Variants in ZIM2 observed in about 807,000 individuals in gnomAD.
ZIM2 encodes the protein zinc finger protein 656.
In ZIM2, 14 loss-of-function variants were observed where a neutral mutation model predicts 38.6. The observed-to-expected ratio is 0.36, with a 90% confidence interval of 0.24 to 0.57. The LOEUF is 0.57. Ranked by LOEUF, ZIM2 falls within the 20% of genes least tolerant of loss-of-function variation. The pLI, the probability that ZIM2 is intolerant of heterozygous loss-of-function variation, is 0.81. For synonymous variants in ZIM2, 247 were observed against 245.8 expected (o/e 1.00, Z -0.04); for missense variants, 680 against 695.1 (o/e 0.98, Z 0.24).
chr19:56,775,047 C>T lies in ZIM2; in HGVS notation c.1318G>A (p.Glu440Lys), dbSNP rs765827988. 36 of 1,614,018 alleles carry T rather than the reference C, an allele frequency of 2.2e-5. No homozygotes were observed. Among genetic ancestry groups the T allele is most frequent in the Non-Finnish European group, 1.7e-6 (2 of 1,180,036 alleles). Residue 440 changes from glutamate (E) to lysine (K), a missense_variant, in exon 13 of 13, where the codon GAG (glutamate) becomes AAG (lysine). By Grantham distance (56) the Glu-to-Lys change is moderately conservative. Transcript: ENST00000629319. ...CACTGAAAACATTCAAAGTAGTCCT[C>T]CTGACTGTGAATTCTTACACGTTCA... ...LCERVRIHSQEDYFECFQCGK... is the reference protein window; with the variant it reads ...LCERVRIHSQKDYFECFQCGK...
chr19:56,833,840 C>G (rs1295995366), intron 2 of ZIM2: 1 of 152,700 alleles, frequency 6.5e-6, no homozygotes, highest in Non-Finnish European at 1.5e-5. Flanking sequence ...AAATGACCAC[C>G]AACTCCATCT....
chr19:56,833,169 C>T, intron 2 of ZIM2: 1 of 517,490 alleles, frequency 1.9e-6, no homozygotes. Flanking sequence ...CCTCAGGCTC[C>T]CACATCCCAT....
At chr19:56,831,688 G>A (rs979416175) in intron 2 of ZIM2, among the ~76,000 whole-genome samples, 1 of 152,186 alleles carries the variant, frequency 6.6e-6, no homozygotes, top group South Asian at 2.1e-4. Context: ...ATTAAGTCGT[G>A]TTGTCAAGGA....
chr19:56,808,854 T>C (rs554289085), intron 9 of ZIM2, among the ~76,000 whole-genome samples: 35 of 152,204 alleles, frequency 2.3e-4, no homozygotes, highest in Admixed American at 2.0e-3. Context: ...TATGGTCTAT[T>C]TCCTTCTAGG....
At chr19:56,804,411 A>T (rs146458666) in intron 9 of ZIM2, among the ~76,000 whole-genome samples, 66 of 152,356 alleles carry the variant, frequency 4.3e-4, no homozygotes, top group African/African-American at 1.6e-3. Context: ...TACTGAAGCT[A>T]CTTCTCAAAG....
intron 9 of ZIM2, among the ~76,000 whole-genome samples, chr19:56,805,823 A>G (rs2146019740): frequency 6.6e-6 from 1 of 152,338 alleles, no homozygotes; most frequent in South Asian, 2.1e-4. Context: ...GCCTGGTCCT[A>G]GCCCTAGAAA....
chr19:56,802,507 T>C (rs1305250981), intron 9 of ZIM2, among the ~76,000 whole-genome samples: 2 of 152,086 alleles, frequency 1.3e-5, no homozygotes, highest in Middle Eastern at 3.2e-3. Flanking sequence ...AAATGGAAAA[T>C]ACCAATTAGT....
At chr19:56,811,858 T>G in intron 9 of ZIM2, 2 of 985,530 alleles carry the variant, frequency 2.0e-6, no homozygotes, top group Middle Eastern at 5.2e-4. Flanking sequence ...AGTTCTTGCC[T>G]CTGGTGTTTT....
At chr19:56,804,826 C>T (rs921324160) in intron 9 of ZIM2, among the ~76,000 whole-genome samples, 7 of 152,180 alleles carry the variant, frequency 4.6e-5, no homozygotes, top group Admixed American at 2.0e-4. Flanking sequence ...AACCCCGTAA[C>T]GGGGGTACTA....
rs1260704543 is a variant in ZIM2, at chr19:56,814,358, C to G, written c.490+3388G>C. The G allele has an allele frequency of 2.5e-6, 4 of 1,613,862 alleles. No individual in the cohort carries two copies. The highest frequency in any genetic ancestry group is 1.7e-4 in the Middle Eastern group (1 of 6,060). On this transcript the variant is annotated intron_variant, in intron 9 of 12. Coordinates refer to ENST00000629319, the MANE Select transcript of ZIM2 (RefSeq NM_001387356.1). This position sits in a 1 kb window ranked among gnomAD's most constrained non-coding sequence, Gnocchi z 5.8. ...GCTGCTGCTGCAGCTGCTGCTGCTTCATCTTCTTCTTCTTCTTCCAGATGA... is the reference window on the plus strand; with the variant it reads ...GCTGCTGCTGCAGCTGCTGCTGCTTGATCTTCTTCTTCTTCTTCCAGATGA...
rs527606019 is a variant in ZIM2, at chr19:56,824,305, G to A, written c.-28C>T. ...CCTTGTAATTCTCCAGCAGAGTGAC[G>A]AGCTTCTCACAGTTCTCCGGCTTTT... On this transcript the variant is annotated 5_prime_UTR_variant, in exon 4 of 13. Transcript: ENST00000629319. The A allele has an allele frequency of 4.7e-5, 76 of 1,614,042 alleles. No individual in the cohort carries two copies. In the South Asian group the frequency reaches 5.7e-4, roughly 12 times the overall value.
At chr19:56,808,228 G>A (rs952372151) in intron 9 of ZIM2, among the ~76,000 whole-genome samples, 5 of 152,128 alleles carry the variant, frequency 3.3e-5, no homozygotes, top group Non-Finnish European at 4.4e-5. Flanking sequence ...GTTATTTAAC[G>A]GATGCTGGGC....
chr19:56,800,393 G>T (rs1488942720), intron 9 of ZIM2, among the ~76,000 whole-genome samples: 2 of 151,970 alleles, frequency 1.3e-5, no homozygotes, highest in African/African-American at 2.4e-5. Context: ...ATTACAGAAT[G>T]GTTTCAGCTA....
chr19:56,819,097 C>T (rs1433412583), intron 7 of ZIM2, among the ~76,000 whole-genome samples: 2 of 152,084 alleles, frequency 1.3e-5, no homozygotes, highest in Admixed American at 1.3e-4. Flanking sequence ...CAGGTGGGGC[C>T]TTAAGTGGTA....
intron 3 of ZIM2, chr19:56,824,774 A>T: frequency 1.0e-6 from 1 of 966,420 alleles, no homozygotes. Flanking sequence ...CACATGTCCC[A>T]GAAGTTGAAG....
chr19:56,819,638 C>T (rs573912959), intron 7 of ZIM2, among the ~76,000 whole-genome samples: 8 of 152,196 alleles, frequency 5.3e-5, no homozygotes, highest in African/African-American at 1.7e-4. Flanking sequence ...GCCTTGGGAA[C>T]GGAAATCTTT....
At chr19:56,817,880 G>A (rs763391242) in intron 8 of ZIM2, 42 bp from the exon 9 acceptor site, 1 of 1,474,604 alleles carries the variant, frequency 6.8e-7, no homozygotes. Flanking sequence ...TCAAGTTGAG[G>A]ACCAAGACTC....
Position 56,775,239 on chromosome 19 carries a change from T to C in ZIM2, c.1126A>G (p.Arg376Gly). The C allele has an allele frequency of 6.2e-7, 1 of 1,614,144 alleles. No homozygotes were observed. The highest frequency in any genetic ancestry group is 8.5e-7 in the Non-Finnish European group (1 of 1,180,020). The change falls in exon 13 of 13, where the codon AGA becomes GGA. Residue 376 changes from arginine to glycine, a missense_variant. By Grantham distance (125) the Arg-to-Gly change is moderately radical. Transcript: ENST00000629319. ...RTFSTQVALR[R>G]HERIHTGKKP... is the part of the protein sequence containing the mutation. Reference sequence around the variant, plus strand: ...TTCCCAGTATGGATCCGTTCGTGTCTCCTAAGGGCTACTTGCGTACTAAAG... The same window carrying C: ...TTCCCAGTATGGATCCGTTCGTGTCCCCTAAGGGCTACTTGCGTACTAAAG...
At chr19:56,831,769 C>T (rs2061589222) in intron 2 of ZIM2, among the ~76,000 whole-genome samples, 1 of 152,192 alleles carries the variant, frequency 6.6e-6, no homozygotes, top group Admixed American at 6.5e-5. Flanking sequence ...AAAACATTCA[C>T]CATAGAAACT....
Sources: allele counts gnomAD v4.1 joint callset (sites outside exome capture counted in the v4.1 genomes callset), GRCh38; gene constraint gnomAD v4.1.1; non-coding constraint Gnocchi (gnomAD v3.1); transcripts MANE v1.5; gene names NCBI Gene and HGNC (gene_info 2026-07-23, HGNC 2026-07-21).